NALF1: variants seen among roughly 807,000 people sequenced by gnomAD.
The protein encoded by NALF1 is NALCN channel auxiliary factor 1, also known as family with sequence similarity 155 member A.
In NALF1, 3 loss-of-function variants were observed where a neutral mutation model predicts 48.4. The observed-to-expected ratio is 0.06, with a 90% confidence interval of 0.03 to 0.16. The LOEUF (loss-of-function observed/expected upper bound fraction) is 0.16, where lower values mean the gene tolerates loss of function less well. Among genes scored for constraint, NALF1 ranks in the 10% least tolerant of loss-of-function variants. The probability of loss-of-function intolerance (pLI) is 1.00; values close to 1 mark genes in which losing one functional copy is unlikely to be tolerated. For synonymous variants in NALF1, 262 were observed against 245.7 expected, an observed-to-expected ratio of 1.07 and a Z score of -0.62; for missense variants, 526 against 571.5, an observed-to-expected ratio of 0.92 and a Z score of 0.81.
At chr13:107,256,380 TGGCAAAAAAATATAGATCAG>T (rs1331942788) in intron 1 of NALF1, among the ~76,000 whole-genome samples, 4 of 152,092 alleles carry the variant, frequency 2.6e-5, no homozygotes, top group Non-Finnish European at 5.9e-5. Context: ...CCACAGAAAC[TGGCAAAAAAATATAGATCAG>T]GGCTTGACTT....
chr13:107,438,827 CAAAAAAAAAAA>C (rs61686895), intron 1 of NALF1, among the ~76,000 whole-genome samples: 2 of 17,940 alleles, frequency 1.1e-4, no homozygotes, highest in African/African-American at 3.5e-4. Flanking sequence ...GACTCCATCT[CAAAAAAAAAAA>C]AAAAAAAAAA....
At chr13:107,506,037 A>G (rs2139082894) in intron 1 of NALF1, among the ~76,000 whole-genome samples, 1 of 152,212 alleles carries the variant, frequency 6.6e-6, no homozygotes, top group African/African-American at 2.4e-5. Context: ...TGATATAATA[A>G]TTTTTGTTAT....
intron 1 of NALF1, among the ~76,000 whole-genome samples, chr13:107,305,228 A>ATT (rs1291801738): frequency 2.6e-5 from 4 of 152,234 alleles, no homozygotes. Flanking sequence ...CAAAAAGCAT[A>ATT]TTTTTTTCTT....
chr13:107,821,373 T>C (rs1306963611), intron 1 of NALF1, among the ~76,000 whole-genome samples: 1 of 152,214 alleles, frequency 6.6e-6, no homozygotes, highest in African/African-American at 2.4e-5. Flanking sequence ...CTAAAAGTCA[T>C]GCTACTGTAA....
At chr13:107,540,069 C>CACACACACACACACACAT (rs1594118610) in intron 1 of NALF1, among the ~76,000 whole-genome samples, 1 of 152,092 alleles carries the variant, frequency 6.6e-6, no homozygotes, top group East Asian at 1.9e-4. Flanking sequence ...CACACACACA[C>CACACACACACACACACAT]ATACACATAT....
At chr13:107,205,130 A>G (rs926318314) in intron 2 of NALF1, among the ~76,000 whole-genome samples, 3 of 151,930 alleles carry the variant, frequency 2.0e-5, no homozygotes, top group African/African-American at 4.8e-5. Context: ...AGCATTAGGT[A>G]TATCTCCCAA....
At chr13:107,792,294 A>G (rs974356760) in intron 1 of NALF1, among the ~76,000 whole-genome samples, 1 of 152,176 alleles carries the variant, frequency 6.6e-6, no homozygotes, top group African/African-American at 2.4e-5. Flanking sequence ...TTATTTTAAT[A>G]CCATACATAT....
chr13:107,802,157 T>G (rs1878636436), intron 1 of NALF1, among the ~76,000 whole-genome samples: 1 of 152,180 alleles, frequency 6.6e-6, no homozygotes, highest in East Asian at 1.9e-4. Flanking sequence ...ATGTAAACCA[T>G]CATTTGTTTG....
chr13:107,187,236 C>G (rs1439654095), intron 2 of NALF1, among the ~76,000 whole-genome samples: 2 of 152,170 alleles, frequency 1.3e-5, no homozygotes, highest in African/African-American at 4.8e-5. Flanking sequence ...CCTTCTGCCA[C>G]GTAATGTAGC....
At chr13:107,745,591 T>G (rs1876760893) in intron 1 of NALF1, among the ~76,000 whole-genome samples, 1 of 152,146 alleles carries the variant, frequency 6.6e-6, no homozygotes, top group Non-Finnish European at 1.5e-5. Flanking sequence ...TTGTAAACAC[T>G]CAAATCAAGG....
chr13:107,759,096 T>C (rs1877195354), intron 1 of NALF1, among the ~76,000 whole-genome samples: 2 of 152,122 alleles, frequency 1.3e-5, no homozygotes, highest in South Asian at 2.1e-4. Flanking sequence ...CAAGAGTCAA[T>C]GGGTTAAGAA....
At chr13:107,665,512 T>C (rs1182366450) in intron 1 of NALF1, among the ~76,000 whole-genome samples, 1 of 152,196 alleles carries the variant, frequency 6.6e-6, no homozygotes, top group Non-Finnish European at 1.5e-5. Flanking sequence ...GTCAGTCCTG[T>C]CTAATAAATA....
intron 1 of NALF1, among the ~76,000 whole-genome samples, chr13:107,276,409 T>C (rs994918197): frequency 2.6e-5 from 4 of 152,184 alleles, no homozygotes; most frequent in African/African-American, 7.2e-5. Flanking sequence ...CCACAGAACA[T>C]GTCCCAACAG....
chr13:107,624,366 A>G (rs1211691968), intron 1 of NALF1, among the ~76,000 whole-genome samples: 2 of 152,150 alleles, frequency 1.3e-5, no homozygotes, highest in Non-Finnish European at 2.9e-5. Context: ...AATTCAATTT[A>G]TTTTTAATAA....
At chr13:107,408,967 C>T (rs958774035) in intron 1 of NALF1, among the ~76,000 whole-genome samples, 2 of 151,966 alleles carry the variant, frequency 1.3e-5, no homozygotes, top group African/African-American at 4.8e-5. Context: ...TTCTGTTTTC[C>T]TGAAACAAAT....
At chr13:107,831,696 G>A (rs964080370) in intron 1 of NALF1, among the ~76,000 whole-genome samples, 2 of 152,160 alleles carry the variant, frequency 1.3e-5, no homozygotes, top group Non-Finnish European at 2.9e-5. Context: ...TGATTTCAGG[G>A]AAGACATTTA....
intron 1 of NALF1, among the ~76,000 whole-genome samples, chr13:107,826,237 GAGTT>G (rs1879514320): frequency 6.6e-6 from 1 of 152,220 alleles, no homozygotes. Flanking sequence ...TGGTCTTTCT[GAGTT>G]AGTCCATTTC....
chr13:107,376,483 T>C (rs1044345270), intron 1 of NALF1, among the ~76,000 whole-genome samples: 2 of 152,224 alleles, frequency 1.3e-5, no homozygotes, highest in Admixed American at 1.3e-4. Context: ...TAATTGGCTC[T>C]CAACAAATGC....
At chr13:107,702,612 A>G (rs1192878089) in intron 1 of NALF1, among the ~76,000 whole-genome samples, 1 of 152,042 alleles carries the variant, frequency 6.6e-6, no homozygotes, top group African/African-American at 2.4e-5. Context: ...AACTTGTGCC[A>G]TGGTGTTTGC....
Sources: allele counts gnomAD v4.1 joint callset (sites outside exome capture counted in the v4.1 genomes callset), GRCh38; gene constraint gnomAD v4.1.1; transcripts MANE v1.5; gene names NCBI Gene and HGNC (gene_info 2026-07-23, HGNC 2026-07-21).